HIF1A: variants seen among roughly 807,000 people sequenced by gnomAD.
The protein encoded by HIF1A is hypoxia-inducible factor 1-alpha.
Under a neutral mutation model 92.7 loss-of-function variants are expected in HIF1A, and 24 were observed. The ratio of observed to expected loss-of-function variants is 0.26; its 90% CI spans 0.19 to 0.36. The LOEUF (loss-of-function observed/expected upper bound fraction) is 0.36, where lower values mean the gene tolerates loss of function less well. Ranked by LOEUF, HIF1A falls within the 10% of genes least tolerant of loss-of-function variation. The probability of loss-of-function intolerance (pLI) is 1.00; values close to 1 mark genes in which losing one functional copy is unlikely to be tolerated. For synonymous variants in HIF1A, 319 were observed against 338.7 expected, an observed-to-expected ratio of 0.94 and a Z score of 0.64; for missense variants, 799 against 998.5, an observed-to-expected ratio of 0.80 and a Z score of 2.69.
chr14:61,746,117 G>T (rs1483685567), intron 14 of HIF1A, among the ~76,000 whole-genome samples: 1 of 151,622 alleles, frequency 6.6e-6, no homozygotes, highest in Non-Finnish European at 1.5e-5. Context: ...CCAGCTACTT[G>T]GGAGGCTGAG....
chr14:61,737,743 G>A (rs536562158), intron 9 of HIF1A, among the ~76,000 whole-genome samples: 1 of 152,204 alleles, frequency 6.6e-6, no homozygotes, highest in South Asian at 2.1e-4. Context: ...GAAAATCCTT[G>A]TGGCCGGGCG....
chr14:61,721,088 A>C (rs750625029), intron 2 of HIF1A, among the ~76,000 whole-genome samples: 1 of 152,070 alleles, frequency 6.6e-6, no homozygotes. Flanking sequence ...AAAAATATAA[A>C]AAATTAGATG....
At chr14:61,722,223 C>G (rs2044440200) in intron 4 of HIF1A, among the ~76,000 whole-genome samples, 1 of 151,994 alleles carries the variant, frequency 6.6e-6, no homozygotes, top group Admixed American at 6.6e-5. Context: ...TAGCTGGGAC[C>G]ACAGACGCGT....
In HIF1A at chr14:61,726,714, A is replaced by G; in HGVS notation, c.466A>G (p.Lys156Glu). 1 of 1,584,570 alleles carries G rather than the reference A, an allele frequency of 6.3e-7. No homozygotes were observed. The highest frequency in any genetic ancestry group is 8.6e-7 in the Non-Finnish European group (1 of 1,165,750). The change falls in exon 5 of 15, where the codon AAA (lysine) becomes GAA (glutamate). Residue 156 changes from lysine to glutamate, a missense_variant. Physicochemically the swap from Lys to Glu is moderately conservative, Grantham distance 56. Around this residue, in one of 2 missense-constraint regions of HIF1A, gnomAD observed 516 missense variants for 721.0 expected, o/e 0.72. Coordinates refer to ENST00000337138, the MANE Select transcript of HIF1A (RefSeq NM_001530.4). ...EMLTHRNGLV[K>E]KGKEQNTQRS... is the part of the protein sequence containing the mutation. ...TTTCATGCTTTCATTAGGCCTTGTG[A>G]AAAAGGGTAAAGAACAAAACACACA...
At chr14:61,741,364 C>CTTTT (rs34138408) in intron 12 of HIF1A, among the ~76,000 whole-genome samples, 176 bp downstream of exon 12, 1 of 137,046 alleles carries the variant, frequency 7.3e-6, no homozygotes, top group South Asian at 2.2e-4. Flanking sequence ...CTTTTTCTTT[C>CTTTT]TTTTTTTTTT....
In HIF1A at chr14:61,736,930, C is replaced by T. The variant is rs764988486; in HGVS notation, c.1070C>T (p.Thr357Ile). Residue 357 changes from threonine to isoleucine, a missense_variant, in exon 9 of 15, where the codon ACA becomes ATA. This residue lies in a region of HIF1A where 516 missense variants were observed against 721.0 expected (regional missense o/e 0.72). Transcript: ENST00000337138. ...QHDLIFSLQQ[T>I]ECVLKPVESS... ...GACTTGATTTTCTCCCTTCAACAAA[C>T]AGAATGTGTCCTTAAACCGGTTGAA... is the stretch of plus-strand genomic sequence containing the variant. The T allele has an allele frequency of 1.2e-6, 2 of 1,613,952 alleles. No homozygotes were observed. Among genetic ancestry groups the T allele is most frequent in the Non-Finnish European group, 1.7e-6 (2 of 1,179,864 alleles).
At chr14:61,743,859 A>AG (rs2044743940) in intron 12 of HIF1A, among the ~76,000 whole-genome samples, 1 of 152,142 alleles carries the variant, frequency 6.6e-6, no homozygotes, top group African/African-American at 2.4e-5. Context: ...AGGGGAGGGG[A>AG]GGTAGGGATC....
At chr14:61,719,325 C>T (rs2044399630) in intron 1 of HIF1A, among the ~76,000 whole-genome samples, 2 of 152,214 alleles carry the variant, frequency 1.3e-5, no homozygotes, top group Admixed American at 1.3e-4. Flanking sequence ...AAGCAGCATT[C>T]CCCATTAAGA....
chr14:61,736,979 G>A lies in HIF1A; in HGVS notation c.1119G>A (p.Gln373=), dbSNP rs768686984. ...AATCTTCAGATATGAAAATGACTCA[G>A]CTATTCACCAAAGTTGAATCAGAAG... The part of the protein sequence containing the change: ...PVESSDMKMT[Q]LFTKVESEDT... Residue 373 remains glutamine, a synonymous_variant, in exon 9 of 15, where the codon CAG becomes CAA. Transcript: ENST00000337138. 1.9e-6 allele frequency: 3 copies of A among 1,613,530 alleles called. No individual in the cohort carries two copies. In the African/African-American group the frequency reaches 4.0e-5, roughly 22 times the overall value.
At chr14:61,712,814 G>A (rs2044322531) in intron 1 of HIF1A, among the ~76,000 whole-genome samples, 2 of 151,310 alleles carry the variant, frequency 1.3e-5, no homozygotes, top group East Asian at 1.9e-4. Context: ...TCAAACTTAC[G>A]CACATCACTA....
At position 61,727,752 on chromosome 14, in the gene HIF1A, G is replaced by T. The variant is rs2044524053; in HGVS notation, c.773+97G>T. 5.5e-6 allele frequency: 5 copies of T among 903,580 alleles called. No individual in the cohort carries two copies. The Admixed American group carries it at 9.2e-5, about 17-fold the overall frequency. The allele number at this position is 903,580 out of a possible 1,614,324, so 56.0% of individuals were successfully genotyped here. A position where few individuals can be genotyped will look rare whatever the true frequency, so the allele number is the denominator to read the frequency against. ...AAAGATTCAGCGCTGGCCATGCATG[G>T]TGGCTCACACCTGTAATCCCAGCAC... On this transcript the variant is annotated intron_variant, in intron 6 of 14. Transcript: ENST00000337138.
chr14:61,735,388 C>T (rs1442904188), intron 8 of HIF1A, among the ~76,000 whole-genome samples: 1 of 152,178 alleles, frequency 6.6e-6, no homozygotes, highest in Non-Finnish European at 1.5e-5. Flanking sequence ...TCTTTTGTGA[C>T]TTTACCATTA....
intron 1 of HIF1A, among the ~76,000 whole-genome samples, chr14:61,718,367 A>G (rs185264125): frequency 2.9e-4 from 44 of 152,162 alleles, no homozygotes; most frequent in Non-Finnish European, 5.4e-4. Flanking sequence ...TTTGAACCAG[A>G]TAGAAATCTA....
chr14:61,695,706 C>A lies in HIF1A; in HGVS notation c.-99C>A, dbSNP rs1167421991. 3 of 1,353,080 alleles carry A rather than the reference C, an allele frequency of 2.2e-6. No individual in the cohort carries two copies. Among genetic ancestry groups the A allele is most frequent in the Non-Finnish European group, 3.1e-6 (3 of 977,584 alleles). The allele number at this position is 1,353,080 out of a possible 1,614,324, so 83.8% of individuals were successfully genotyped here. ...CCTCGCACCCCCACCTCTGGACTTG[C>A]CTTTCCTTCTCTTCTCCGCGTGTGG... On this transcript the variant is annotated 5_prime_UTR_variant, in exon 1 of 15. Transcript: ENST00000337138.
intron 4 of HIF1A, 176 bp from the exon 5 acceptor site, chr14:61,726,530 G>A (rs1277158000): frequency 2.2e-6 from 1 of 455,136 alleles, no homozygotes. Context: ...TGAGTAGTGT[G>A]TGTCAGATCT....
rs1468830601 is a variant in HIF1A at position 61,732,454 on chromosome 14, T to G, written c.810T>G (p.Leu270=). The part of the protein sequence containing the change: ...TELMGYEPEE[L]LGRSIYEYYH... ...TGATGGGATATGAGCCAGAAGAACT[T>G]TTAGGCCGCTCAATTTATGAATATT... Residue 270 remains leucine (L), a synonymous_variant, in exon 7 of 15, where the codon CTT becomes CTG. Coordinates refer to ENST00000337138, the MANE Select transcript of HIF1A (RefSeq NM_001530.4). 1.9e-6 allele frequency: 3 copies of G among 1,611,930 alleles called. No individual in the cohort carries two copies. Among genetic ancestry groups the G allele is most frequent in the Admixed American group, 1.7e-5 (1 of 60,014 alleles).
intron 1 of HIF1A, among the ~76,000 whole-genome samples, chr14:61,719,848 A>G (rs993343494): frequency 3.3e-5 from 5 of 152,192 alleles, no homozygotes; most frequent in Non-Finnish European, 4.4e-5. Context: ...CCTATAGCTT[A>G]TCGTCAGTGT....
chr14:61,699,756 C>T (rs1291090480), intron 1 of HIF1A, among the ~76,000 whole-genome samples: 2 of 151,730 alleles, frequency 1.3e-5, no homozygotes, highest in East Asian at 3.9e-4. Flanking sequence ...TGGATTTTAC[C>T]CAGTGTGTGT....
At chr14:61,711,670 ACTGCTGGCT>A (rs1555337380) in intron 1 of HIF1A, among the ~76,000 whole-genome samples, 2 of 152,108 alleles carry the variant, frequency 1.3e-5, no homozygotes, top group South Asian at 2.1e-4. Flanking sequence ...GGAAGATGAC[ACTGCTGGCT>A]CTGCTGGCTC....
Sources: allele counts gnomAD v4.1 joint callset (sites outside exome capture counted in the v4.1 genomes callset), GRCh38; gene constraint gnomAD v4.1.1; regional missense constraint gnomAD v4.1.1; transcripts MANE v1.5; gene names NCBI Gene and HGNC (gene_info 2026-07-23, HGNC 2026-07-21).